The following LSR variants were observed in gnomAD, a reference collection of about 807,000 sequenced individuals.
The protein encoded by LSR is lipolysis-stimulated lipoprotein receptor.
Under a neutral mutation model 61.8 loss-of-function variants are expected in LSR, and 44 were observed. The observed-to-expected ratio is 0.71, with a 90% confidence interval of 0.56 to 0.91. LSR has a LOEUF of 0.91. Among genes scored for constraint, LSR ranks in the 40% least tolerant of loss-of-function variants. The pLI, the probability that LSR is intolerant of heterozygous loss-of-function variation, is 0.00. For synonymous variants in LSR, 397 were observed against 350.6 expected (o/e 1.13, Z -1.48); for missense variants, 911 against 830.5 (o/e 1.10, Z -1.19).
chr19:35,255,549 C>G (rs1463227393), intron 2 of LSR, among the ~76,000 whole-genome samples: 1 of 151,924 alleles, frequency 6.6e-6, no homozygotes, highest in Non-Finnish European at 1.5e-5. Context: ...CCCTGGAGTT[C>G]AAGATCAACC....
chr19:35,259,110 G>T, intron 3 of LSR, 46 bp downstream of exon 3: 1 of 1,590,472 alleles, frequency 6.3e-7, no homozygotes. Flanking sequence ...CCTTTTGTCC[G>T]CTTCTGTTCT....
intron 3 of LSR, among the ~76,000 whole-genome samples, chr19:35,259,794 G>A (rs1393188996): frequency 2.6e-5 from 4 of 152,232 alleles, no homozygotes; most frequent in Non-Finnish European, 5.9e-5. Flanking sequence ...TGCCCTGCTG[G>A]GATGGCGCTG....
Position 35,249,322 on chromosome 19 carries a change from C to A in LSR, c.109+191C>A, listed in dbSNP as rs1268786649. 8 of 640,444 alleles carry A rather than the reference C, an allele frequency of 1.2e-5. No homozygotes were observed. In the East Asian group the frequency reaches 2.3e-4, roughly 18 times the overall value. 39.7% of individuals were successfully genotyped at this position (640,444 alleles called of 1,614,324 possible). A position where few individuals can be genotyped will look rare whatever the true frequency, so the allele number is the denominator to read the frequency against. On this transcript the variant is annotated intron_variant, in intron 1 of 9. Transcript: ENST00000605618. ...TCCCCATTTGTGCCGGGGAGCGCTCCCCGCGCCCTTATCTGGAAGATAGCA... is the reference window on the plus strand; with the variant it reads ...TCCCCATTTGTGCCGGGGAGCGCTCACCGCGCCCTTATCTGGAAGATAGCA...
chr19:35,259,261 T>C, intron 3 of LSR, 197 bp downstream of exon 3: 1 of 567,640 alleles, frequency 1.8e-6, no homozygotes, highest in Non-Finnish European at 3.0e-6. Flanking sequence ...TGGCCCACAG[T>C]GCCTCCAATC....
chr19:35,260,248 A>T (rs1313171271), intron 3 of LSR, among the ~76,000 whole-genome samples: 1 of 146,658 alleles, frequency 6.8e-6, no homozygotes, highest in African/African-American at 2.5e-5. Context: ...TTTTATGTCT[A>T]TCTGTTGCTT....
chr19:35,263,826 G>C (rs145399236), intron 5 of LSR, among the ~76,000 whole-genome samples: 3,619 of 141,728 alleles, frequency 0.026, 65 homozygotes, highest in Middle Eastern at 0.067. Context: ...TTTTTTTTTT[G>C]GAGACAGTTT....
At chr19:35,259,311 ACT>A (rs747961569) in intron 3 of LSR, 4 of 376,250 alleles carry the variant, frequency 1.1e-5, no homozygotes, top group Non-Finnish European at 1.9e-5. Context: ...ACAATTGGAG[ACT>A]CTGCCTTTTC....
intron 3 of LSR, among the ~76,000 whole-genome samples, 177 bp from the exon 4 acceptor site, chr19:35,261,748 A>G (rs2065931857): frequency 6.6e-6 from 1 of 152,114 alleles, no homozygotes; most frequent in Non-Finnish European, 1.5e-5. Context: ...TCTTACCTAT[A>G]AGCACCCACA....
chr19:35,250,935 C>T (rs978769925), intron 2 of LSR, among the ~76,000 whole-genome samples: 2 of 151,654 alleles, frequency 1.3e-5, no homozygotes, highest in African/African-American at 4.8e-5. Flanking sequence ...AGCTGGGACT[C>T]CAGGTGCGTG....
intron 3 of LSR, chr19:35,259,298 G>A (rs2065895484): frequency 2.4e-6 from 1 of 416,138 alleles, no homozygotes; most frequent in Non-Finnish European, 4.3e-6. Context: ...GAGAAGAGTG[G>A]AGACAATTGG....
intron 2 of LSR, 136 bp downstream of exon 2, chr19:35,250,795 CTTTTTTTT>C: frequency 2.4e-6 from 1 of 419,754 alleles, no homozygotes; most frequent in South Asian, 6.2e-5. Flanking sequence ...GGGAGCAATT[CTTTTTTTT>C]TTTTTTTTTG....
At chr19:35,259,195 C>G (rs2065894134) in intron 3 of LSR, 131 bp downstream of exon 3, 2 of 1,186,020 alleles carry the variant, frequency 1.7e-6, no homozygotes, top group African/African-American at 1.5e-5. Context: ...TGCTCTCCCC[C>G]AGGCTCTGCC....
rs781332841 is a variant in LSR, at chr19:35,267,561, T to A, written c.1597T>A (p.Ser533Thr). Reference protein sequence around the residue: ...TRDPRDNGSRSGDLPYDGRLL... With the variant: ...TRDPRDNGSRTGDLPYDGRLL... ...GGACCCTCGGGACAACGGCTCCAGG[T>A]CCGGGGACCTCCCCTATGATGGGCG... The change falls in exon 9 of 10, where the codon TCC (serine) becomes ACC (threonine). Residue 533 changes from serine to threonine, a missense_variant. By Grantham distance (58) the Ser-to-Thr change is moderately conservative (BLOSUM62 1). Transcript: ENST00000605618. 1.9e-6 allele frequency: 3 copies of A among 1,612,038 alleles called. No individual in the cohort carries two copies. In the East Asian group the frequency reaches 6.7e-5, roughly 36 times the overall value.
At position 35,267,448 on chromosome 19, in the gene LSR, T is replaced by A. The variant is rs376578385; in HGVS notation, c.1484T>A (p.Phe495Tyr). The change falls in exon 9 of 10, where the codon TTC (phenylalanine) becomes TAC (tyrosine). Residue 495 changes from phenylalanine (F) to tyrosine (Y), a missense_variant. By Grantham distance (22) the Phe-to-Tyr change is conservative. Coordinates refer to ENST00000605618, the MANE Select transcript of LSR (RefSeq NM_205834.4). Reference sequence around the variant, plus strand: ...TATGACCAAGACGACTCGAGGGACTTCCCACGCTCCCGGGACCCCCACTAC... The same window carrying A: ...TATGACCAAGACGACTCGAGGGACTACCCACGCTCCCGGGACCCCCACTAC... The part of the protein sequence containing the change: ...DLYDQDDSRD[F>Y]PRSRDPHYDD... 2 of 1,610,480 alleles carry A rather than the reference T, an allele frequency of 1.2e-6. No homozygotes were observed.
At chr19:35,250,170 T>A in intron 1 of LSR, 145 bp from the exon 2 acceptor site, 1 of 559,700 alleles carries the variant, frequency 1.8e-6, no homozygotes. Context: ...GCTACCTCAC[T>A]GGTCCTGGCA....
chr19:35,261,800 G>C (rs1456355596), intron 3 of LSR, 125 bp from the exon 4 acceptor site: 1 of 561,886 alleles, frequency 1.8e-6, no homozygotes, highest in African/African-American at 1.9e-5. Flanking sequence ...TAGGGCTTCA[G>C]CCCCCAGCCC....
At chr19:35,254,668 G>A (rs1341293523) in intron 2 of LSR, among the ~76,000 whole-genome samples, 3 of 152,196 alleles carry the variant, frequency 2.0e-5, no homozygotes. Flanking sequence ...AGAGGTTGGA[G>A]ATGTGGAGGA....
intron 1 of LSR, chr19:35,249,476 G>A (rs548459046): frequency 3.2e-6 from 1 of 308,548 alleles, no homozygotes; most frequent in Admixed American, 5.2e-5. Context: ...GCGCACCCGG[G>A]GATTTCTAAG....
At chr19:35,255,645 G>T (rs547432541) in intron 2 of LSR, among the ~76,000 whole-genome samples, 2 of 152,224 alleles carry the variant, frequency 1.3e-5, no homozygotes, top group South Asian at 4.1e-4. Flanking sequence ...GATCATTAGG[G>T]TAAGTCGTGT....
Sources: allele counts gnomAD v4.1 joint callset (sites outside exome capture counted in the v4.1 genomes callset), GRCh38; gene constraint gnomAD v4.1.1; transcripts MANE v1.5; gene names NCBI Gene and HGNC (gene_info 2026-07-23, HGNC 2026-07-21).